Variants in LARGE1 observed in about 807,000 individuals in gnomAD.
The protein encoded by LARGE1 is LARGE xylosyl- and glucuronyltransferase 1, also known as xylosyl- and glucuronyltransferase LARGE1.
Under a neutral mutation model 87.6 loss-of-function variants are expected in LARGE1, and 43 were observed. The observed-to-expected ratio is 0.49, with a 90% CI of 0.38 to 0.63. The LOEUF (loss-of-function observed/expected upper bound fraction) is 0.63, where lower values mean the gene tolerates loss of function less well. Ranked by LOEUF, LARGE1 falls within the 30% of genes least tolerant of loss-of-function variation. The pLI, the probability that LARGE1 is intolerant of heterozygous loss-of-function variation, is 0.00. For missense variants in LARGE1, 802 were observed against 1,000.2 expected (o/e 0.80, Z 2.67); for synonymous variants, 434 against 394.6 (o/e 1.10, Z -1.18).
At chr22:33,896,141 C>T (rs933224236) in intron 1 of LARGE1, among the ~76,000 whole-genome samples, 8 of 152,210 alleles carry the variant, frequency 5.3e-5, no homozygotes, top group African/African-American at 1.9e-4. Context: ...TCTGTCTCTA[C>T]AAATTTGACT....
At chr22:33,531,620 T>C (rs1360121036) in intron 6 of LARGE1, among the ~76,000 whole-genome samples, 1 of 152,258 alleles carries the variant, frequency 6.6e-6, no homozygotes, top group Non-Finnish European at 1.5e-5. Flanking sequence ...GTTGCACCGA[T>C]GCTGCTTTTG....
At chr22:33,299,965 A>T (rs2146101530) in intron 12 of LARGE1, among the ~76,000 whole-genome samples, 1 of 152,294 alleles carries the variant, frequency 6.6e-6, no homozygotes, top group African/African-American at 2.4e-5. Context: ...TTTCCAATTG[A>T]TCTGTTTGTT....
At chr22:33,560,719 A>G (rs2077829669) in intron 6 of LARGE1, among the ~76,000 whole-genome samples, 1 of 152,222 alleles carries the variant, frequency 6.6e-6, no homozygotes, top group Admixed American at 6.5e-5. Flanking sequence ...GACAGAGCAC[A>G]GACTCCAAAG....
intron 1 of LARGE1, among the ~76,000 whole-genome samples, chr22:33,810,287 C>T (rs568670336): frequency 2.7e-4 from 41 of 152,256 alleles, no homozygotes; most frequent in African/African-American, 8.9e-4. Flanking sequence ...AGGATCTGAA[C>T]CAAGGACTGG....
At chr22:33,250,421 A>G (rs1251259230) in intron 11 of LARGE1, among the ~76,000 whole-genome samples, 1 of 152,116 alleles carries the variant, frequency 6.6e-6, no homozygotes, top group Non-Finnish European at 1.5e-5. Flanking sequence ...GTTTTTTGTC[A>G]GTTCTTTTGG....
At chr22:33,367,957 T>C (rs900841983) in intron 9 of LARGE1, among the ~76,000 whole-genome samples, 2 of 152,232 alleles carry the variant, frequency 1.3e-5, no homozygotes, top group African/African-American at 4.8e-5. Context: ...ATGTTTTCAA[T>C]TGTAATCAAA....
Position 33,397,721 on chromosome 22 carries a change from T to C in LARGE1, c.893-13417A>G, listed in dbSNP as rs1158030477. Among the ~76,000 whole-genome samples the C allele has an allele frequency of 5.9e-5, 9 of 152,310 alleles. No individual in the cohort carries two copies. The East Asian group carries it at 1.5e-3, about 26-fold the overall frequency. On this transcript the variant is annotated intron_variant, in intron 7 of 14. Coordinates refer to ENST00000397394, the MANE Select transcript of LARGE1 (RefSeq NM_133642.5). ...CAAGTGGAATTTCCAGGTCATTGAG[T>C]GTGCATGTGCTCAGGTTAAGTAGAT...
intron 7 of LARGE1, among the ~76,000 whole-genome samples, chr22:33,400,540 CT>C (rs1261571123): frequency 1.3e-5 from 2 of 152,192 alleles, no homozygotes; most frequent in African/African-American, 2.4e-5. Context: ...GAATCTGCCT[CT>C]CTCTATCAGT....
intron 1 of LARGE1, among the ~76,000 whole-genome samples, chr22:33,843,915 T>A (rs1191953961): frequency 1.3e-5 from 2 of 151,792 alleles, no homozygotes; most frequent in Non-Finnish European, 2.9e-5. Context: ...CCGTCTCTAC[T>A]AAAAATACAA....
chr22:33,871,199 T>A (rs939221207), intron 1 of LARGE1, among the ~76,000 whole-genome samples: 1 of 152,188 alleles, frequency 6.6e-6, no homozygotes, highest in Non-Finnish European at 1.5e-5. Flanking sequence ...CAAATTAACG[T>A]ATATTTATAT....
intron 1 of LARGE1, among the ~76,000 whole-genome samples, chr22:33,815,824 A>G (rs2086632637): frequency 6.6e-6 from 1 of 152,168 alleles, no homozygotes; most frequent in Admixed American, 6.5e-5. Context: ...AGTCTCATGC[A>G]TCTGCAGAGA....
chr22:33,161,766 G>T (rs1363489639), downstream of LARGE1, among the ~76,000 whole-genome samples: 1 of 152,116 alleles, frequency 6.6e-6, no homozygotes, highest in Non-Finnish European at 1.5e-5. Flanking sequence ...CCCCCTCCCA[G>T]CTGCTTTCAT....
At chr22:33,277,519 A>AT (rs1301749484) in intron 13 of LARGE1, among the ~76,000 whole-genome samples, 1 of 152,208 alleles carries the variant, frequency 6.6e-6, no homozygotes, top group Non-Finnish European at 1.5e-5. Flanking sequence ...TGTTGTCCTT[A>AT]TAAGAAGGGG....
intron 10 of LARGE1, chr22:33,322,942 G>A (rs950917447): frequency 6.6e-5 from 10 of 152,262 alleles, no homozygotes; most frequent in Admixed American, 1.3e-4. Flanking sequence ...CTAACACCGT[G>A]AAACCCCGTC....
intron 7 of LARGE1, among the ~76,000 whole-genome samples, chr22:33,426,804 G>C (rs575650197): frequency 1.3e-5 from 2 of 152,078 alleles, no homozygotes; most frequent in Non-Finnish European, 1.5e-5. Context: ...CCTAATTTGG[G>C]GGCTGAATGA....
chr22:33,756,845 A>G (rs1411947350), intron 2 of LARGE1, among the ~76,000 whole-genome samples: 1 of 152,148 alleles, frequency 6.6e-6, no homozygotes, highest in African/African-American at 2.4e-5. Context: ...CAGTGGTGAA[A>G]GATGGGAAAC....
At chr22:33,476,375 C>T (rs910845560) in intron 6 of LARGE1, among the ~76,000 whole-genome samples, 11 of 152,200 alleles carry the variant, frequency 7.2e-5, no homozygotes, top group Non-Finnish European at 1.0e-4. Flanking sequence ...AAGAATGCAA[C>T]CCTTTGTCTC....
chr22:33,562,041 T>G (rs1008692601), intron 6 of LARGE1, among the ~76,000 whole-genome samples: 12 of 152,188 alleles, frequency 7.9e-5, no homozygotes, highest in African/African-American at 2.9e-4. Flanking sequence ...TCAACATCAC[T>G]CCAACCGTTT....
At position 33,358,006 on chromosome 22, in the gene LARGE1, AG is replaced by A. The variant is rs143443494; in HGVS notation, c.1132-20206del. On this transcript the variant is annotated intron_variant, in intron 9 of 14. Transcript: ENST00000397394. ...AGAACTCAGTGACAGCCTGGCCCAGAGTGGGTGCTCTGCCATGTCTGCTGGG... is the reference window on the plus strand; with the variant it reads ...AGAACTCAGTGACAGCCTGGCCCAGATGGGTGCTCTGCCATGTCTGCTGGG... Among the ~76,000 whole-genome samples, 1,093 of 152,266 alleles carry A rather than the reference AG, an allele frequency of 7.2e-3. 20 individuals are homozygous for A. The highest frequency in any genetic ancestry group is 0.025 in the African/African-American group (1,048 of 41,560).
Sources: allele counts gnomAD v4.1 joint callset (sites outside exome capture counted in the v4.1 genomes callset), GRCh38; gene constraint gnomAD v4.1.1; transcripts MANE v1.5; gene names NCBI Gene and HGNC (gene_info 2026-07-23, HGNC 2026-07-21).